The following CCDC192 variants were observed in gnomAD, a reference collection of about 807,000 sequenced individuals.
The protein encoded by CCDC192 is coiled-coil domain containing 192, also known as coiled-coil domain-containing protein 192.
intron 2 of CCDC192, among the ~76,000 whole-genome samples, chr5:127,750,469 G>A (rs1235257594): frequency 2.0e-5 from 3 of 151,936 alleles, no homozygotes. Flanking sequence ...TTGCACTGTG[G>A]TCTGAGAGAT....
chr5:127,773,672 C>T (rs889653353), intron 3 of CCDC192, among the ~76,000 whole-genome samples: 2 of 152,158 alleles, frequency 1.3e-5, no homozygotes, highest in Non-Finnish European at 2.9e-5. Flanking sequence ...TGTTTATCCA[C>T]TCATCTGTTG....
intron 5 of CCDC192, among the ~76,000 whole-genome samples, chr5:127,826,203 A>G (rs908167719): frequency 6.6e-6 from 1 of 152,226 alleles, no homozygotes; most frequent in African/African-American, 2.4e-5. Context: ...CACTAATATC[A>G]GAGAAATGCA....
intron 5 of CCDC192, among the ~76,000 whole-genome samples, chr5:127,834,313 T>C (rs1749937729): frequency 6.6e-6 from 1 of 152,214 alleles, no homozygotes; most frequent in South Asian, 2.1e-4. Context: ...AAAAATGTAT[T>C]GTTCTTTTGT....
chr5:127,812,070 C>T (rs1561502391), intron 5 of CCDC192, among the ~76,000 whole-genome samples: 1 of 152,160 alleles, frequency 6.6e-6, no homozygotes, highest in South Asian at 2.1e-4. Context: ...GGCTTAATTT[C>T]CACGACTGCA....
At chr5:127,730,376 A>G (rs1752575334) in intron 2 of CCDC192, among the ~76,000 whole-genome samples, 1 of 152,194 alleles carries the variant, frequency 6.6e-6, no homozygotes, top group African/African-American at 2.4e-5. Context: ...TGAGGCAGTA[A>G]TAAATGGCCT....
At chr5:127,783,664 A>G (rs918153079) in intron 3 of CCDC192, among the ~76,000 whole-genome samples, 2 of 152,046 alleles carry the variant, frequency 1.3e-5, no homozygotes, top group Admixed American at 6.6e-5. Context: ...GCTTAAATCC[A>G]TTGTTTGTTG....
chr5:127,880,663 A>T (rs962341211), intron 6 of CCDC192, among the ~76,000 whole-genome samples: 10 of 151,960 alleles, frequency 6.6e-5, no homozygotes, highest in African/African-American at 2.4e-4. Flanking sequence ...TCTCCAATAC[A>T]CCTTCAGCTG....
At chr5:127,711,606 T>C (rs1751341750) in intron 2 of CCDC192, among the ~76,000 whole-genome samples, 1 of 152,172 alleles carries the variant, frequency 6.6e-6, no homozygotes, top group South Asian at 2.1e-4. Context: ...AATTTTAACA[T>C]TCTAAGATGA....
intron 5 of CCDC192, among the ~76,000 whole-genome samples, chr5:127,818,166 G>C (rs1433654898): frequency 6.6e-6 from 1 of 152,128 alleles, no homozygotes; most frequent in East Asian, 1.9e-4. Flanking sequence ...TAACCTGCTT[G>C]CACTCTGGAA....
chr5:127,807,507 T>C lies in CCDC192; in HGVS notation c.411+9345T>C, dbSNP rs551592002. 4.8e-4 allele frequency among the ~76,000 whole-genome samples: 73 copies of C among 152,260 alleles called. 1 individual carries two copies. The highest frequency in any genetic ancestry group is 1.7e-3 in the African/African-American group (72 of 41,560). On this transcript the variant is annotated intron_variant, in intron 5 of 6. Transcript: ENST00000514853. The stretch of plus-strand genomic sequence containing the variant: ...AAGCTTCTTGGGGGTAGAGCCTGGG[T>C]CTAGTTCACTGTGCCTTCTGAGTAC...
intron 3 of CCDC192, among the ~76,000 whole-genome samples, chr5:127,774,444 G>A (rs1370308604): frequency 6.6e-6 from 1 of 152,138 alleles, no homozygotes; most frequent in African/African-American, 2.4e-5. Flanking sequence ...AGTAACATAG[G>A]GGTCCAACTT....
At chr5:127,707,786 CT>C (rs1686582917) in intron 2 of CCDC192, 26 bp downstream of exon 2, 2 of 397,036 alleles carry the variant, frequency 5.0e-6, no homozygotes, top group African/African-American at 2.1e-5. Context: ...TGTATGAATT[CT>C]TTATTTAAAA....
intron 2 of CCDC192, among the ~76,000 whole-genome samples, chr5:127,724,465 A>G (rs1363616794): frequency 3.3e-5 from 5 of 152,318 alleles, no homozygotes; most frequent in East Asian, 3.9e-4. Context: ...AAATCTAGAA[A>G]GAAGTCTTCC....
In CCDC192 at chr5:127,789,822, A is replaced by G. The variant is rs531615382; in HGVS notation, c.223-7281A>G. Among the ~76,000 whole-genome samples the G allele has an allele frequency of 1.0e-3, 159 of 152,368 alleles. 3 individuals are homozygous for G. In the South Asian group the frequency reaches 0.031, roughly 29 times the overall value. ...CAGTTCAGAGATTATCAGGGACATC[A>G]TCTCAGCTTCAACAGGCCAAATATC... On this transcript the variant is annotated intron_variant, in intron 3 of 6. Transcript: ENST00000514853.
chr5:127,744,230 G>T (rs559202875), intron 2 of CCDC192, among the ~76,000 whole-genome samples: 2 of 152,000 alleles, frequency 1.3e-5, no homozygotes, highest in East Asian at 1.9e-4. Flanking sequence ...AAATAAATGT[G>T]CCCAGGGTGA....
chr5:127,744,890 C>T (rs1261495121), intron 2 of CCDC192, among the ~76,000 whole-genome samples: 4 of 152,210 alleles, frequency 2.6e-5, no homozygotes, highest in Admixed American at 6.5e-5. Flanking sequence ...CACTCAACCT[C>T]GTGACCACAT....
At chr5:127,889,413 T>C (rs566845019) in intron 6 of CCDC192, among the ~76,000 whole-genome samples, 2 of 151,636 alleles carry the variant, frequency 1.3e-5, no homozygotes, top group East Asian at 3.9e-4. Context: ...CTTTCTTTTT[T>C]TTTTTTTGAG....
intron 2 of CCDC192, among the ~76,000 whole-genome samples, chr5:127,723,154 A>G (rs907201882): frequency 5.9e-5 from 9 of 151,948 alleles, no homozygotes; most frequent in African/African-American, 2.2e-4. Flanking sequence ...TATAGTTTTC[A>G]TTGTACAAAT....
chr5:127,710,846 G>T (rs985431308), intron 2 of CCDC192, among the ~76,000 whole-genome samples: 2 of 152,134 alleles, frequency 1.3e-5, no homozygotes, highest in Non-Finnish European at 2.9e-5. Flanking sequence ...TTACTTTATC[G>T]CAGGAACCTG....
Sources: allele counts gnomAD v4.1 joint callset (sites outside exome capture counted in the v4.1 genomes callset), GRCh38; gene constraint gnomAD v4.1.1; transcripts MANE v1.5; gene names NCBI Gene and HGNC (gene_info 2026-07-23, HGNC 2026-07-21).